The following LINGO2 variants were observed in gnomAD, a reference collection of about 807,000 sequenced individuals.
The protein encoded by LINGO2 is leucine rich repeat and Ig domain containing 2.
A neutral mutation model predicts 30.6 loss-of-function variants in LINGO2; 14 were observed. That is an observed-to-expected ratio of 0.46 (90% CI 0.30 to 0.72). The LOEUF (loss-of-function observed/expected upper bound fraction) is 0.72. Ranked by LOEUF, LINGO2 falls within the 30% of genes least tolerant of loss-of-function variation. The pLI, the probability that LINGO2 is intolerant of heterozygous loss-of-function variation, is 0.07. For missense variants in LINGO2, 729 were observed against 751.7 expected (o/e 0.97, Z 0.35); for synonymous variants, 317 against 288.5 (o/e 1.10, Z -1.00).
chr9:28,435,018 C>T (rs1012616829), intron 2 of LINGO2, among the ~76,000 whole-genome samples: 1 of 152,072 alleles, frequency 6.6e-6, no homozygotes, highest in African/African-American at 2.4e-5. Context: ...AAAAAAATTC[C>T]CTGTGAAAAG....
At chr9:28,947,100 A>T in the LINGO2 span, among the ~76,000 whole-genome samples, 1 of 152,078 alleles carries the variant, frequency 6.6e-6, no homozygotes, top group African/African-American at 2.4e-5. Flanking sequence ...CTATGTAAAA[A>T]ATATATATCT....
chr9:29,133,422 C>T, the LINGO2 span, among the ~76,000 whole-genome samples: 1 of 151,918 alleles, frequency 6.6e-6, no homozygotes, highest in Non-Finnish European at 1.5e-5. Context: ...CTTATATATT[C>T]TCCTCAGTAT....
chr9:29,203,051 G>T, the LINGO2 span, among the ~76,000 whole-genome samples: 1 of 152,092 alleles, frequency 6.6e-6, no homozygotes, highest in Non-Finnish European at 1.5e-5. Context: ...CCTGTGAGAA[G>T]AATCTTGAAT....
chr9:28,346,941 T>C (rs932049795), intron 3 of LINGO2, among the ~76,000 whole-genome samples: 4 of 151,878 alleles, frequency 2.6e-5, no homozygotes, highest in Admixed American at 2.0e-4. Context: ...TTTTGTCAGA[T>C]ACATAGTTTG....
chr9:28,619,841 T>C (rs552872566), intron 1 of LINGO2, among the ~76,000 whole-genome samples: 2 of 152,120 alleles, frequency 1.3e-5, no homozygotes, highest in Non-Finnish European at 2.9e-5. Context: ...AGGGGTGAAG[T>C]AATCATTTTT....
At chr9:28,926,143 T>C in the LINGO2 span, among the ~76,000 whole-genome samples, 2 of 152,062 alleles carry the variant, frequency 1.3e-5, no homozygotes, top group Non-Finnish European at 1.5e-5. Flanking sequence ...TGAAACCCCA[T>C]CTCTACTAAA....
At chr9:28,725,489 C>A in the LINGO2 span, among the ~76,000 whole-genome samples, 1 of 146,754 alleles carries the variant, frequency 6.8e-6, no homozygotes. Context: ...AGAGAACTAT[C>A]AATATACAAC....
the LINGO2 span, among the ~76,000 whole-genome samples, chr9:28,956,213 G>T: frequency 6.6e-6 from 1 of 151,880 alleles, no homozygotes; most frequent in South Asian, 2.1e-4. Flanking sequence ...GAAGACAAAG[G>T]CAACTTGGTA....
At chr9:28,988,446 G>C in the LINGO2 span, among the ~76,000 whole-genome samples, 2 of 151,934 alleles carry the variant, frequency 1.3e-5, no homozygotes, top group African/African-American at 2.4e-5. Flanking sequence ...GACTGTATTA[G>C]GCAGCATATA....
the LINGO2 span, among the ~76,000 whole-genome samples, chr9:28,907,402 A>C: frequency 6.6e-5 from 10 of 151,840 alleles, no homozygotes; most frequent in African/African-American, 2.4e-4. Flanking sequence ...AGGGTCTTTC[A>C]GTCTTAAAAA....
intron 1 of LINGO2, among the ~76,000 whole-genome samples, chr9:28,663,868 C>T (rs931461804): frequency 2.0e-5 from 3 of 151,848 alleles, no homozygotes; most frequent in Non-Finnish European, 1.5e-5. Context: ...GAGATAAACA[C>T]GAAAAGTGGA....
At chr9:28,975,243 C>A in the LINGO2 span, among the ~76,000 whole-genome samples, 99,990 of 151,392 alleles carry the variant, frequency 0.66, 33,664 homozygotes, top group Non-Finnish European at 0.73. Context: ...AGAAAAAAAA[C>A]CCCCATAATT....
At chr9:28,968,754 T>A in the LINGO2 span, among the ~76,000 whole-genome samples, 3 of 152,186 alleles carry the variant, frequency 2.0e-5, no homozygotes, top group Admixed American at 2.0e-4. Context: ...AAGAATTATC[T>A]TCATGTTTCT....
chr9:28,934,637 T>C, the LINGO2 span, among the ~76,000 whole-genome samples: 1 of 152,138 alleles, frequency 6.6e-6, no homozygotes. Context: ...GTTTCACACA[T>C]TTAAGAAACC....
the LINGO2 span, among the ~76,000 whole-genome samples, chr9:29,061,654 T>C: frequency 6.6e-6 from 1 of 152,038 alleles, no homozygotes; most frequent in East Asian, 1.9e-4. Flanking sequence ...TTTGGACCCT[T>C]ACCTTACACC....
At chr9:28,380,565 T>C (rs1410234876) in intron 2 of LINGO2, among the ~76,000 whole-genome samples, 2 of 151,964 alleles carry the variant, frequency 1.3e-5, no homozygotes, top group Admixed American at 1.3e-4. Context: ...TGAATAAACA[T>C]GTAGGGTAGG....
At chr9:28,861,478 T>C in the LINGO2 span, among the ~76,000 whole-genome samples, 4 of 150,086 alleles carry the variant, frequency 2.7e-5, no homozygotes, top group Non-Finnish European at 5.9e-5. Context: ...AAGCTTGATA[T>C]TACCTTGTCC....
At chr9:28,980,589 G>T in the LINGO2 span, among the ~76,000 whole-genome samples, 1 of 151,830 alleles carries the variant, frequency 6.6e-6, no homozygotes, top group Non-Finnish European at 1.5e-5. Context: ...AAACACATGC[G>T]CCTCCAGGCC....
chr9:28,808,712 C>A, the LINGO2 span, among the ~76,000 whole-genome samples: 1 of 152,286 alleles, frequency 6.6e-6, no homozygotes, highest in Admixed American at 6.5e-5. Context: ...AATGACCAGA[C>A]ATAAAACCAA....
Sources: gnomAD v4.1 joint callset for allele counts (sites outside exome capture counted in the v4.1 genomes callset) on GRCh38, gnomAD v4.1.1 for gene constraint, MANE v1.5 for transcripts, NCBI Gene and HGNC (gene_info 2026-07-23, HGNC 2026-07-21) for gene names.